Variants in RHBDD1 observed in about 807,000 individuals in gnomAD.
The protein encoded by RHBDD1 is rhomboid domain containing 1, also known as rhomboid-related protein 4.
Under a neutral mutation model 36.3 loss-of-function variants are expected in RHBDD1, and 38 were observed. The observed-to-expected ratio is 1.05, with a 90% CI of 0.81 to 1.37. The LOEUF (loss-of-function observed/expected upper bound fraction) is 1.37. Ranked by LOEUF, RHBDD1 falls within the 40% of genes most tolerant of loss-of-function variation. The probability of loss-of-function intolerance (pLI) is 0.00; values close to 1 mark genes in which losing one functional copy is unlikely to be tolerated. For missense variants in RHBDD1, 393 were observed against 377.6 expected (o/e 1.04, Z -0.34); for synonymous variants, 151 against 136.5 (o/e 1.11, Z -0.74).
intron 7 of RHBDD1, among the ~76,000 whole-genome samples, chr2:226,911,159 T>C (rs1948488489): frequency 6.6e-6 from 1 of 152,182 alleles, no homozygotes; most frequent in African/African-American, 2.4e-5. Flanking sequence ...TCTAGGTAGA[T>C]ATACAGTTTC....
chr2:226,961,490 A>G (rs1353562332), intron 8 of RHBDD1, among the ~76,000 whole-genome samples: 1 of 152,254 alleles, frequency 6.6e-6, no homozygotes, highest in Non-Finnish European at 1.5e-5. Flanking sequence ...CTTAAGCAGT[A>G]ACATTTAGCA....
At chr2:226,866,738 C>T (rs1944381029) in intron 4 of RHBDD1, among the ~76,000 whole-genome samples, 1 of 152,204 alleles carries the variant, frequency 6.6e-6, no homozygotes, top group African/African-American at 2.4e-5. Context: ...CTTCCCCTTT[C>T]CTTCCAAGAT....
chr2:226,867,768 G>A (rs1235815831), intron 5 of RHBDD1: 1 of 648,124 alleles, frequency 1.5e-6, no homozygotes. Flanking sequence ...ACCCAGGTTG[G>A]AGTGCAGTGG....
the RHBDD1 span, among the ~76,000 whole-genome samples, chr2:226,815,077 A>G: frequency 1.3e-5 from 2 of 152,214 alleles, no homozygotes; most frequent in Non-Finnish European, 2.9e-5. Context: ...GAATTTTCAG[A>G]GACTGTTTCT....
At chr2:226,889,615 C>G (rs1946520373) in intron 5 of RHBDD1, among the ~76,000 whole-genome samples, 1 of 152,152 alleles carries the variant, frequency 6.6e-6, no homozygotes, top group African/African-American at 2.4e-5. Context: ...TTTTGTGGGT[C>G]AAAACATATT....
intron 7 of RHBDD1, among the ~76,000 whole-genome samples, chr2:226,912,408 T>C (rs1948584576): frequency 6.6e-6 from 1 of 152,166 alleles, no homozygotes; most frequent in Middle Eastern, 3.2e-3. Flanking sequence ...CTCACAAATG[T>C]TTATAGCAGC....
At chr2:226,809,007 G>A in the RHBDD1 span, among the ~76,000 whole-genome samples, 1 of 152,252 alleles carries the variant, frequency 6.6e-6, no homozygotes, top group Non-Finnish European at 1.5e-5. Context: ...GATCCTCCGA[G>A]TGGAGATATC....
chr2:226,828,390 A>C, the RHBDD1 span, among the ~76,000 whole-genome samples: 1 of 152,218 alleles, frequency 6.6e-6, no homozygotes, highest in Admixed American at 6.5e-5. Flanking sequence ...ATTAGCATGC[A>C]ACTCTTTTGT....
chr2:226,946,048 G>A (rs899251398), intron 8 of RHBDD1, among the ~76,000 whole-genome samples: 1 of 152,056 alleles, frequency 6.6e-6, no homozygotes, highest in African/African-American at 2.4e-5. Flanking sequence ...CTGGATATTA[G>A]CCCTTTGTCA....
rs1308489130 is a variant in RHBDD1 at position 226,889,616 on chromosome 2, A to G, written c.567-17177A>G. 2.4e-4 allele frequency among the ~76,000 whole-genome samples: 37 copies of G among 152,260 alleles called. 1 individual carries two copies. Among genetic ancestry groups the G allele is most frequent in the Admixed American group, 2.4e-3 (36 of 15,286 alleles). On this transcript the variant is annotated intron_variant, in intron 5 of 8. Coordinates refer to ENST00000392062, the MANE Select transcript of RHBDD1 (RefSeq NM_001167608.3). ...ATTTTCTCAAAGTGTTTTGTGGGTC[A>G]AAACATATTGTTAGACTTGTGTTTC...
intron 3 of RHBDD1, among the ~76,000 whole-genome samples, chr2:226,842,151 T>C (rs1393937343): frequency 1.3e-5 from 2 of 150,880 alleles, no homozygotes; most frequent in African/African-American, 2.5e-5. Flanking sequence ...GTTGTTTTTT[T>C]CTCCTAAATT....
intron 5 of RHBDD1, chr2:226,867,798 A>C (rs1944464022): frequency 2.9e-6 from 1 of 339,162 alleles, no homozygotes; most frequent in African/African-American, 2.3e-5. Context: ...AGCTCACTGC[A>C]ACCTCCACCC....
At chr2:226,831,993 T>C (rs1940755499), upstream of RHBDD1, among the ~76,000 whole-genome samples, 1 of 151,956 alleles carries the variant, frequency 6.6e-6, no homozygotes, top group South Asian at 2.1e-4. Flanking sequence ...CTTTTGATTT[T>C]CATTTTCTCT....
rs536023981 is a variant in RHBDD1, at chr2:226,997,344, G to C, written c.*1822G>C. 3 of 152,290 alleles carry C rather than the reference G, an allele frequency of 2.0e-5. No homozygotes were observed. The highest frequency in any genetic ancestry group is 2.9e-5 in the Non-Finnish European group (2 of 68,018). 9.4% of individuals were successfully genotyped at this position (152,290 alleles called of 1,614,324 possible). Reference sequence around the variant, plus strand: ...TACCCCAATTAGAAGTAACTTCTTTGTTTCATGCCACTTTTATAGCATTTG... The same window carrying C: ...TACCCCAATTAGAAGTAACTTCTTTCTTTCATGCCACTTTTATAGCATTTG... On this transcript the variant is annotated 3_prime_UTR_variant, in exon 9 of 9. Transcript: ENST00000392062.
At chr2:226,928,203 T>C (rs1271026603) in intron 8 of RHBDD1, among the ~76,000 whole-genome samples, 1 of 152,104 alleles carries the variant, frequency 6.6e-6, no homozygotes, top group Non-Finnish European at 1.5e-5. Flanking sequence ...CTATCAGTTC[T>C]CCAATGAATT....
intron 8 of RHBDD1, among the ~76,000 whole-genome samples, chr2:226,962,832 A>G (rs1227907105): frequency 6.6e-6 from 1 of 152,204 alleles, no homozygotes; most frequent in Admixed American, 6.5e-5. Context: ...TGGTAGGTTT[A>G]TGGTACAGAA....
intron 8 of RHBDD1, among the ~76,000 whole-genome samples, chr2:226,939,006 A>G (rs1035402378): frequency 6.6e-6 from 1 of 152,214 alleles, no homozygotes; most frequent in Admixed American, 6.5e-5. Context: ...TTCATCACAC[A>G]AACAGAACTA....
At chr2:226,992,514 G>A (rs956727411) in intron 8 of RHBDD1, among the ~76,000 whole-genome samples, 3 of 152,142 alleles carry the variant, frequency 2.0e-5, no homozygotes, top group Non-Finnish European at 4.4e-5. Flanking sequence ...GGTTTGGGTT[G>A]TATTGTTATA....
At chr2:226,886,579 G>C (rs547591402) in intron 5 of RHBDD1, among the ~76,000 whole-genome samples, 2 of 152,178 alleles carry the variant, frequency 1.3e-5, no homozygotes, top group African/African-American at 4.8e-5. Flanking sequence ...AAGATGACAA[G>C]ATTAGGCTAC....
Sources: gnomAD v4.1 joint callset for allele counts (sites outside exome capture counted in the v4.1 genomes callset) on GRCh38, gnomAD v4.1.1 for gene constraint, MANE v1.5 for transcripts, NCBI Gene and HGNC (gene_info 2026-07-23, HGNC 2026-07-21) for gene names.